COL12A1: variants seen among roughly 807,000 people sequenced by gnomAD.
The protein encoded by COL12A1 is collagen alpha-1(XII) chain.
COL12A1 carries 114 observed loss-of-function variants against 349.7 expected under a neutral mutation model. That is an observed-to-expected ratio of 0.33 (90% CI 0.28 to 0.38). COL12A1 has a LOEUF of 0.38. Ranked by LOEUF, COL12A1 falls within the 10% of genes least tolerant of loss-of-function variation. The probability of loss-of-function intolerance (pLI) is 1.00; values close to 1 mark genes in which losing one functional copy is unlikely to be tolerated. For synonymous variants in COL12A1, 1,369 were observed against 1,329.0 expected (o/e 1.03, Z -0.66); for missense variants, 3,284 against 3,756.9 (o/e 0.87, Z 3.29).
At chr6:75,133,466 G>T (rs757249873) in intron 33 of COL12A1, 44 bp from the exon 34 acceptor site, 1 of 1,573,640 alleles carries the variant, frequency 6.4e-7, no homozygotes, top group African/African-American at 1.4e-5. Flanking sequence ...TGAAAAATTT[G>T]TGAAAGAAAT....
At position 75,134,751 on chromosome 6, in the gene COL12A1, A is replaced by G. The variant is rs1582107388; in HGVS notation, c.5499T>C (p.Gly1833=). The stretch of plus-strand genomic sequence containing the variant: ...TGGTCTTGCCTCTTCCCGTCATCCG[A>G]CCTCCTTCACCATCAGGATACAGAG... ...VSSLYPDGEG[G]RMTGRGKTKP... Residue 1833 remains glycine, a synonymous_variant, in exon 32 of 66, where the codon GGT becomes GGC. Coordinates refer to ENST00000322507, the MANE Select transcript of COL12A1 (RefSeq NM_004370.6). 6.2e-7 allele frequency: 1 copy of G among 1,607,790 alleles called. No homozygotes were observed. Among genetic ancestry groups the G allele is most frequent in the South Asian group, 1.1e-5 (1 of 90,030 alleles).
At chr6:75,138,703 T>C in intron 28 of COL12A1, 119 bp downstream of exon 28, 1 of 1,548,738 alleles carries the variant, frequency 6.5e-7, no homozygotes, top group East Asian at 2.3e-5. Flanking sequence ...ATGCATGTCA[T>C]GAGCTCAAAT....
At chr6:75,114,379 A>G (rs1477915116) in intron 49 of COL12A1, among the ~76,000 whole-genome samples, 1 of 152,108 alleles carries the variant, frequency 6.6e-6, no homozygotes, top group Non-Finnish European at 1.5e-5. Context: ...TGATAAAAGG[A>G]TGGGAATTGA....
intron 18 of COL12A1, 31 bp from the exon 19 acceptor site, chr6:75,152,281 T>A (rs748328743): frequency 3.1e-5 from 50 of 1,613,448 alleles, no homozygotes; most frequent in Non-Finnish European, 4.2e-5. Flanking sequence ...TTAGTGCATG[T>A]GAAAGAGAAA....
chr6:75,086,463 C>T lies in COL12A1; in HGVS notation c.*84G>A. 2 of 1,287,406 alleles carry T rather than the reference C, an allele frequency of 1.6e-6. No individual in the cohort carries two copies. The highest frequency in any genetic ancestry group is 2.2e-6 in the Non-Finnish European group (2 of 917,054). 79.7% of individuals were successfully genotyped at this position (1,287,406 alleles called of 1,614,324 possible). A position where few individuals can be genotyped will look rare whatever the true frequency, so the allele number is the denominator to read the frequency against. Reference sequence around the variant, plus strand: ...TGAGATTTCCATACAGACTCATTTCCTAATAAGCACGTGCGCAAACATCTC... The same window carrying T: ...TGAGATTTCCATACAGACTCATTTCTTAATAAGCACGTGCGCAAACATCTC... On this transcript the variant is annotated 3_prime_UTR_variant, in exon 66 of 66. Transcript: ENST00000322507.
intron 51 of COL12A1, among the ~76,000 whole-genome samples, chr6:75,111,826 T>G (rs1437370771): frequency 1.3e-5 from 2 of 151,750 alleles, no homozygotes; most frequent in Non-Finnish European, 3.0e-5. Flanking sequence ...TCCTTTTTTT[T>G]TTGTTATCAC....
chr6:75,173,667 G>A (rs924231283), intron 13 of COL12A1, among the ~76,000 whole-genome samples: 9 of 152,274 alleles, frequency 5.9e-5, no homozygotes, highest in Admixed American at 2.6e-4. Flanking sequence ...GAGCCACCAC[G>A]CCTGCCCGAT....
intron 51 of COL12A1, among the ~76,000 whole-genome samples, chr6:75,111,038 C>T (rs1414105538): frequency 6.6e-6 from 1 of 151,826 alleles, no homozygotes; most frequent in African/African-American, 2.4e-5. Flanking sequence ...ACAATGGTAA[C>T]TGTAGAGGTA....
At position 75,188,658 on chromosome 6, in the gene COL12A1, C is replaced by T. The variant is rs951245498; in HGVS notation, c.824-123G>A. ...ATTCAAATCGTCATTAAGTCATAAG[C>T]CAGAATTGCTTTGTTTCATAACAGT... is the stretch of plus-strand genomic sequence containing the variant. On this transcript the variant is annotated intron_variant, in intron 7 of 65. Transcript: ENST00000322507. The T allele has an allele frequency of 8.3e-6, 9 of 1,083,370 alleles. No homozygotes were observed. The Admixed American group carries it at 1.4e-4, about 17-fold the overall frequency. 67.1% of individuals were successfully genotyped at this position (1,083,370 alleles called of 1,614,324 possible). A position where few individuals can be genotyped will look rare whatever the true frequency, so the allele number is the denominator to read the frequency against.
intron 49 of COL12A1, 69 bp downstream of exon 49, chr6:75,115,715 A>G (rs1769042146): frequency 4.6e-6 from 7 of 1,524,586 alleles, no homozygotes; most frequent in Non-Finnish European, 6.2e-6. Context: ...GATTCTGGGA[A>G]GTCAGCAAAT....
chr6:75,130,747 A>G, intron 36 of COL12A1, 105 bp downstream of exon 36: 1 of 1,442,494 alleles, frequency 6.9e-7, no homozygotes, highest in Non-Finnish European at 9.4e-7. Context: ...TCCCAGGCAG[A>G]AAGCACCCAT....
chr6:75,164,519 T>C (rs1186495736), intron 14 of COL12A1, among the ~76,000 whole-genome samples: 4 of 152,226 alleles, frequency 2.6e-5, no homozygotes, highest in African/African-American at 7.2e-5. Flanking sequence ...GAAATGCCCA[T>C]GCTTAACAAA....
Position 75,124,248 on chromosome 6 carries a change from C to T in COL12A1, c.6724+7G>A, listed in dbSNP as rs888283403. 6.2e-7 allele frequency: 1 copy of T among 1,609,832 alleles called. No homozygotes were observed. Among genetic ancestry groups the T allele is most frequent in the African/African-American group, 1.3e-5 (1 of 74,688 alleles). On this transcript the variant is annotated splice_region_variant and intron_variant, in intron 41 of 65. Coordinates refer to ENST00000322507, the MANE Select transcript of COL12A1 (RefSeq NM_004370.6). Reference sequence around the variant, plus strand: ...CCAGATCATTTTTTTCTTTTTTACACACATACCATCTGCAGGGCTTAGTTT... The same window carrying T: ...CCAGATCATTTTTTTCTTTTTTACATACATACCATCTGCAGGGCTTAGTTT...
At chr6:75,114,481 T>C (rs1768981866) in intron 49 of COL12A1, among the ~76,000 whole-genome samples, 1 of 152,028 alleles carries the variant, frequency 6.6e-6, no homozygotes. Flanking sequence ...TAGTCAATCA[T>C]TGTTCTGGGG....
intron 25 of COL12A1, among the ~76,000 whole-genome samples, chr6:75,144,358 A>G (rs1413287071): frequency 1.3e-5 from 2 of 152,146 alleles, no homozygotes. Context: ...GGATTAATAA[A>G]TATTTGTTTG....
Position 75,119,066 on chromosome 6 carries a change from G to T in COL12A1, c.7331C>A (p.Ala2444Glu), listed in dbSNP as rs367980407. 1.2e-6 allele frequency: 2 copies of T among 1,613,856 alleles called. No individual in the cohort carries two copies. Among genetic ancestry groups the T allele is most frequent in the Non-Finnish European group, 8.5e-7 (1 of 1,179,858 alleles). The change falls in exon 46 of 66, where the codon GCG becomes GAG. Residue 2444 changes from alanine to glutamate, a missense_variant. Physicochemically the swap from Ala to Glu is moderately radical, Grantham distance 107. Transcript: ENST00000322507. ...DGRSQDEVKK[A>E]ALVIQQSGFS... ...GCCTGACTGCTGGATGACCAAAGCCGCCTTCTTGACCTCATCCTGGGACCG... is the reference window on the plus strand; with the variant it reads ...GCCTGACTGCTGGATGACCAAAGCCTCCTTCTTGACCTCATCCTGGGACCG...
intron 65 of COL12A1, among the ~76,000 whole-genome samples, chr6:75,087,018 A>G (rs1767531672): frequency 6.6e-6 from 1 of 152,232 alleles, no homozygotes; most frequent in Admixed American, 6.5e-5. Flanking sequence ...ATCCCACAAA[A>G]TCAAGTATAG....
rs1769061022 is a variant in COL12A1, at chr6:75,116,065, G to A, written c.7520-8C>T. 8 of 1,612,928 alleles carry A rather than the reference G, an allele frequency of 5.0e-6. No homozygotes were observed. In the East Asian group the frequency reaches 1.1e-4, roughly 22 times the overall value. On this transcript the variant is annotated splice_region_variant and splice_polypyrimidine_tract_variant and intron_variant, in intron 47 of 65. Coordinates refer to ENST00000322507, the MANE Select transcript of COL12A1 (RefSeq NM_004370.6). The stretch of plus-strand genomic sequence containing the variant: ...AATAAATGAGAGGACAACCTGCAAT[G>A]TACAGTGTTCTTTAAGTATGATTCA...
intron 14 of COL12A1, among the ~76,000 whole-genome samples, chr6:75,157,302 T>C (rs1017280821): frequency 1.3e-5 from 2 of 152,060 alleles, no homozygotes; most frequent in African/African-American, 4.8e-5. Flanking sequence ...ATAATCAGTG[T>C]TCAAAAGAAC....
Sources: allele counts gnomAD v4.1 joint callset (sites outside exome capture counted in the v4.1 genomes callset), GRCh38; gene constraint gnomAD v4.1.1; transcripts MANE v1.5; gene names NCBI Gene and HGNC (gene_info 2026-07-23, HGNC 2026-07-21).